The following RDH8 variants were observed in gnomAD, a reference collection of about 807,000 sequenced individuals.
RDH8 encodes the protein photoreceptor outer segment all-trans retinol dehydrogenase.
In RDH8, 14 loss-of-function variants were observed where a neutral mutation model predicts 22.3. The observed-to-expected ratio is 0.63, with a 90% CI of 0.42 to 0.98. RDH8 has a LOEUF of 0.98. Ranked by LOEUF, RDH8 falls within the 50% of genes least tolerant of loss-of-function variation. The pLI, the probability that RDH8 is intolerant of heterozygous loss-of-function variation, is 0.00. For missense variants in RDH8, 389 were observed against 409.8 expected (o/e 0.95, Z 0.44); for synonymous variants, 175 against 171.7 (o/e 1.02, Z -0.15).
chr19:10,019,281 A>G (rs1388431368), intron 3 of RDH8, among the ~76,000 whole-genome samples: 1 of 146,612 alleles, frequency 6.8e-6, no homozygotes, highest in African/African-American at 2.6e-5. Flanking sequence ...CTAGGCAACA[A>G]AGTGAAACTC....
chr19:10,017,017 G>C, intron 1 of RDH8, 40 bp from the exon 2 acceptor site: 17 of 1,474,420 alleles, frequency 1.2e-5, no homozygotes, highest in Non-Finnish European at 1.5e-5. Context: ...AAGGGGAAAG[G>C]AGCTCAGTGC....
In RDH8 at chr19:10,021,357, G is replaced by A. The variant is rs373530941; in HGVS notation, c.639G>A (p.Leu213=). The part of the protein sequence containing the change: ...AEFPGTDPET[L]HYFRDLYLPA... ...TCCCAGGCACTGACCCTGAGACCCT[G>A]CACTACTTCCGGGACCTCTATCTCC... is the stretch of plus-strand genomic sequence containing the variant. The change falls in exon 5 of 6, where the codon CTG becomes CTA. Residue 213 remains leucine, a synonymous_variant. Transcript: ENST00000591589. 1 of 1,613,910 alleles carries A rather than the reference G, an allele frequency of 6.2e-7. No homozygotes were observed. Among genetic ancestry groups the A allele is most frequent in the African/African-American group, 1.3e-5 (1 of 74,850 alleles).
Position 10,021,446 on chromosome 19 carries a change from A to T in RDH8, c.720+8A>T. 2 of 1,614,088 alleles carry T rather than the reference A, an allele frequency of 1.2e-6. No individual in the cohort carries two copies. Among genetic ancestry groups the T allele is most frequent in the Non-Finnish European group, 1.7e-6 (2 of 1,180,008 alleles). ...CCACAGGACGTGGTTCAGGTGAGTGAAGGGCCCAGAGCCCCAAGACGTGGC... is the reference window on the plus strand; with the variant it reads ...CCACAGGACGTGGTTCAGGTGAGTGTAGGGCCCAGAGCCCCAAGACGTGGC... On this transcript the variant is annotated splice_region_variant and intron_variant, in intron 5 of 5. Coordinates refer to ENST00000591589, the MANE Select transcript of RDH8 (RefSeq NM_015725.4).
chr19:10,021,054 A>C, intron 4 of RDH8: 3 of 631,814 alleles, frequency 4.7e-6, no homozygotes, highest in Non-Finnish European at 8.2e-6. Context: ...GTGTACCTGC[A>C]GTCCCAGCTA....
intron 1 of RDH8, among the ~76,000 whole-genome samples, chr19:10,015,803 G>C (rs930629722): frequency 6.6e-6 from 1 of 151,610 alleles, no homozygotes; most frequent in African/African-American, 2.4e-5. Flanking sequence ...GATTAGCCAG[G>C]TGTGGTGGCA....
intron 1 of RDH8, among the ~76,000 whole-genome samples, chr19:10,016,789 GCC>G (rs2087621239): frequency 6.6e-6 from 1 of 152,104 alleles, no homozygotes. Context: ...CTTATTTCAT[GCC>G]ATAGCCTCAG....
At position 10,017,085 on chromosome 19, in the gene RDH8, G is replaced by A; in HGVS notation, c.132G>A (p.Lys44=). The stretch of plus-strand genomic sequence containing the variant: ...TGGCCACCATGAGGGACCTGGGGAA[G>A]AAGGAGACACTGGAGGCAGCTGCTG... ...QVVATMRDLG[K]KETLEAAAGE... is the part of the protein sequence containing the mutation. The change falls in exon 2 of 6, where the codon AAG becomes AAA. Residue 44 remains lysine (K), a synonymous_variant. Coordinates refer to ENST00000591589, the MANE Select transcript of RDH8 (RefSeq NM_015725.4). 6.3e-7 allele frequency: 1 copy of A among 1,595,194 alleles called. No homozygotes were observed. The highest frequency in any genetic ancestry group is 8.6e-7 in the Non-Finnish European group (1 of 1,168,054).
intron 2 of RDH8, among the ~76,000 whole-genome samples, 183 bp from the exon 3 acceptor site, chr19:10,018,548 G>T (rs1408019263): frequency 6.6e-6 from 1 of 152,148 alleles, no homozygotes; most frequent in East Asian, 1.9e-4. Context: ...TCAGGGCTGA[G>T]GATCCCCTAT....
rs557842795 is a variant in RDH8, at chr19:10,018,831, C to G, written c.363C>G (p.Leu121=). ...CCAACTTTTTCGGAGCTGTCCGTCT[C>G]GTCAAAGCTGTGCTTCCAGGCATGA... ...FDTNFFGAVR[L]VKAVLPGMKR... Residue 121 remains leucine (L), a synonymous_variant, in exon 3 of 6, where the codon CTC becomes CTG. Transcript: ENST00000591589. The G allele has an allele frequency of 1.9e-6, 3 of 1,613,824 alleles. No homozygotes were observed. In the African/African-American group the frequency reaches 4.0e-5, roughly 22 times the overall value.
At chr19:10,021,201 A>G in intron 4 of RDH8, 54 bp from the exon 5 acceptor site, 1 of 1,542,542 alleles carries the variant, frequency 6.5e-7, no homozygotes, top group Non-Finnish European at 8.8e-7. Context: ...TGGACAAAAT[A>G]GGTCAGGGAG....
Position 10,021,235 on chromosome 19 carries a change from T to C in RDH8, c.537-20T>C, listed in dbSNP as rs971197576. 6.2e-7 allele frequency: 1 copy of C among 1,611,012 alleles called. No homozygotes were observed. The highest frequency in any genetic ancestry group is 8.5e-7 in the Non-Finnish European group (1 of 1,178,240). On this transcript the variant is annotated intron_variant, in intron 4 of 5. Coordinates refer to ENST00000591589, the MANE Select transcript of RDH8 (RefSeq NM_015725.4). ...AGTGGTTGGGGCATCAGACTTACAC[T>C]ACCCATGCCTGGTCGCCAGCATCTC... is the stretch of plus-strand genomic sequence containing the variant.
In RDH8 at chr19:10,018,928, A is replaced by T. The variant is rs1301591877; in HGVS notation, c.442+18A>T. 6.3e-7 allele frequency: 1 copy of T among 1,579,030 alleles called. No homozygotes were observed. The highest frequency in any genetic ancestry group is 2.3e-5 in the East Asian group (1 of 43,932). On this transcript the variant is annotated intron_variant, in intron 3 of 5. Transcript: ENST00000591589. The stretch of plus-strand genomic sequence containing the variant: ...CCTGCAGGGTGAGCTGTGGGGACCC[A>T]ACCCTGGAAATCCCACCAGTGTCTG...
chr19:10,020,577 T>C, intron 3 of RDH8, 132 bp from the exon 4 acceptor site: 1 of 650,068 alleles, frequency 1.5e-6, no homozygotes, highest in Admixed American at 2.3e-5. Context: ...CCCATCATCT[T>C]GGCACCATGT....
In RDH8 at chr19:10,020,779, C is replaced by A; in HGVS notation, c.513C>A (p.Ile171=). The change falls in exon 4 of 6, where the codon ATC becomes ATA. Residue 171 remains isoleucine (I), a synonymous_variant. Transcript: ENST00000591589. ...ALEGFFESLA[I]QLLQFNIFIS... ...AGGGATTCTTCGAAAGCCTCGCTATCCAGCTGCTGCAGTTCAACATCTTGT... is the reference window on the plus strand; with the variant it reads ...AGGGATTCTTCGAAAGCCTCGCTATACAGCTGCTGCAGTTCAACATCTTGT... 1 of 1,609,670 alleles carries A rather than the reference C, an allele frequency of 6.2e-7. No individual in the cohort carries two copies. The highest frequency in any genetic ancestry group is 8.5e-7 in the Non-Finnish European group (1 of 1,177,536).
Position 10,021,828 on chromosome 19 carries a change from CTCTTCA to C in RDH8, c.*81_*86del, listed in dbSNP as rs1226562916. 18 of 1,405,310 alleles carry C rather than the reference CTCTTCA, an allele frequency of 1.3e-5. No homozygotes were observed. Among genetic ancestry groups the C allele is most frequent in the Admixed American group, 1.9e-5 (1 of 51,916 alleles). 87.1% of individuals were successfully genotyped at this position (1,405,310 alleles called of 1,614,324 possible). ...ACATCTAATTCAAAGGATGAACAGA[CTCTTCA>C]TTTATTCATTCTGCAAACTCCCCCT... On this transcript the variant is annotated 3_prime_UTR_variant, in exon 6 of 6. Transcript: ENST00000591589.
rs1362245584 is a variant in RDH8, at chr19:10,020,806, A to G, written c.536+4A>G. The G allele has an allele frequency of 6.2e-7, 1 of 1,603,414 alleles. No individual in the cohort carries two copies. Among genetic ancestry groups the G allele is most frequent in the African/African-American group, 1.3e-5 (1 of 74,946 alleles). On this transcript the variant is annotated splice_donor_region_variant and intron_variant, in intron 4 of 5. Coordinates refer to ENST00000591589, the MANE Select transcript of RDH8 (RefSeq NM_015725.4). ...AGCTGCTGCAGTTCAACATCTTGTG[A>G]GGCGGGCACGTGGGCAGAGGGGGCT...
chr19:10,017,550 G>A (rs757067427), intron 2 of RDH8, among the ~76,000 whole-genome samples: 12 of 152,134 alleles, frequency 7.9e-5, no homozygotes, highest in East Asian at 1.9e-4. Context: ...CCAGCTACTC[G>A]GGAGGCCAAG....
In RDH8 at chr19:10,018,759, G is replaced by A; in HGVS notation, c.291G>A (p.Gly97=). ...ATAATGCTGGAATGGGCCTGGTGGG[G>A]CCCCTGGAGGGGCTCAGCCTTGCTG... ...LVNNAGMGLV[G]PLEGLSLAAM... Residue 97 remains glycine, a synonymous_variant, in exon 3 of 6, where the codon GGG becomes GGA. Transcript: ENST00000591589. The A allele has an allele frequency of 6.2e-7, 1 of 1,611,980 alleles. No individual in the cohort carries two copies. Among genetic ancestry groups the A allele is most frequent in the African/African-American group, 1.3e-5 (1 of 75,018 alleles).
At chr19:10,020,636 C>A in intron 3 of RDH8, 73 bp from the exon 4 acceptor site, 1 of 897,932 alleles carries the variant, frequency 1.1e-6, no homozygotes, top group Non-Finnish European at 1.8e-6. Context: ...CTCCCAAAGA[C>A]CCCATCACCC....
Sources: allele counts gnomAD v4.1 joint callset (sites outside exome capture counted in the v4.1 genomes callset), GRCh38; gene constraint gnomAD v4.1.1; transcripts MANE v1.5; gene names NCBI Gene and HGNC (gene_info 2026-07-23, HGNC 2026-07-21).